Variants in RNF44 observed in about 807,000 individuals in gnomAD.
RNF44 encodes ring finger protein 44.
Under a neutral mutation model 53.6 loss-of-function variants are expected in RNF44, and 25 were observed. That is an observed-to-expected ratio of 0.47 (90% CI 0.34 to 0.65). RNF44 has a LOEUF of 0.65. RNF44 is among the 30% of genes least tolerant of loss of function. RNF44 has a pLI of 0.01. For synonymous variants in RNF44, 282 were observed against 252.2 expected, an observed-to-expected ratio of 1.12 and a Z score of -1.12; for missense variants, 581 against 595.5, an observed-to-expected ratio of 0.98 and a Z score of 0.25.
rs1013780115 is a variant in RNF44 at position 176,537,072 on chromosome 5, C to T, written c.-177G>A. On this transcript the variant is annotated 5_prime_UTR_variant, in exon 1 of 11. Transcript: ENST00000274811. ...TCCCGCCCTGCGGAACAATGTGCTC[C>T]CCTCCCCACCCCCGGGTCCGGGGGC... 14 of 152,110 alleles carry T rather than the reference C, an allele frequency of 9.2e-5. No homozygotes were observed. The highest frequency in any genetic ancestry group is 2.6e-4 in the Admixed American group (4 of 15,286). 9.4% of individuals were successfully genotyped at this position (152,110 alleles called of 1,614,324 possible).
chr5:176,538,707 G>A (rs1194126676), upstream of RNF44, among the ~76,000 whole-genome samples: 1 of 151,824 alleles, frequency 6.6e-6, no homozygotes, highest in Non-Finnish European at 1.5e-5. Context: ...GCAGGGGGAT[G>A]GGGGGCTCAT....
Position 176,531,053 on chromosome 5 carries a change from G to T in RNF44, c.466-32C>A. Reference sequence around the variant, plus strand: ...AGAGAGGGGGCAGGGGGCTGAGAACGTTCTCCTGGGCTCTGGGCCAGGTCT... The same window carrying T: ...AGAGAGGGGGCAGGGGGCTGAGAACTTTCTCCTGGGCTCTGGGCCAGGTCT... On this transcript the variant is annotated intron_variant, in intron 4 of 10. Transcript: ENST00000274811. This position sits in a 1 kb window ranked among gnomAD's most constrained non-coding sequence, Gnocchi z 4.2. 7.0e-7 allele frequency: 1 copy of T among 1,423,944 alleles called. No individual in the cohort carries two copies. The highest frequency in any genetic ancestry group is 9.2e-7 in the Non-Finnish European group (1 of 1,087,772). 88.2% of individuals were successfully genotyped at this position (1,423,944 alleles called of 1,614,324 possible). A position where few individuals can be genotyped will look rare whatever the true frequency, so the allele number is the denominator to read the frequency against.
At chr5:176,539,165 C>T (rs957858252), upstream of RNF44, among the ~76,000 whole-genome samples, 2 of 152,118 alleles carry the variant, frequency 1.3e-5, no homozygotes, top group Non-Finnish European at 2.9e-5. Flanking sequence ...GGAACTGAGC[C>T]GGCTGTCGGC....
upstream of RNF44, among the ~76,000 whole-genome samples, chr5:176,539,963 C>T (rs570783496): frequency 6.6e-6 from 1 of 152,294 alleles, no homozygotes; most frequent in African/African-American, 2.4e-5. Flanking sequence ...CTGGGATGCC[C>T]TCTCTTTTCC....
intron 1 of RNF44, among the ~76,000 whole-genome samples, chr5:176,536,680 A>G (rs2113198655): frequency 6.6e-6 from 1 of 150,934 alleles, no homozygotes. Context: ...ACAACAAAGG[A>G]AGTGGCGGCC....
chr5:176,536,890 A>C (rs903174286), intron 1 of RNF44, 50 bp downstream of exon 1: 3 of 150,374 alleles, frequency 2.0e-5, no homozygotes, highest in Non-Finnish European at 3.0e-5. Context: ...GGGGAACAGA[A>C]GGTCCATGGG....
rs1756557634 is a variant in RNF44 at position 176,530,569 on chromosome 5, G to GCCCAGCGGGTCTGCCTCCCA, written c.801+12_801+13insTGGGAGGCAGACCCGCTGGG. Reference sequence around the variant, plus strand: ...TGCCCTGGAGCCCAGGTGGGGGTCGGGGTGGCACTCACCACACCAAAGGAC... The same window carrying GCCCAGCGGGTCTGCCTCCCA: ...TGCCCTGGAGCCCAGGTGGGGGTCGGCCCAGCGGGTCTGCCTCCCAGGTGGCACTCACCACACCAAAGGAC... On this transcript the variant is annotated intron_variant, in intron 6 of 10. Transcript: ENST00000274811. The GCCCAGCGGGTCTGCCTCCCA allele has an allele frequency of 2.1e-6, 3 of 1,432,746 alleles. No individual in the cohort carries two copies. The African/African-American group carries it at 4.5e-5, about 22-fold the overall frequency. The allele number at this position is 1,432,746 out of a possible 1,614,324, so 88.8% of individuals were successfully genotyped here.
At chr5:176,539,698 A>C (rs1477258614), upstream of RNF44, among the ~76,000 whole-genome samples, 2 of 152,016 alleles carry the variant, frequency 1.3e-5, no homozygotes, top group East Asian at 1.9e-4. Flanking sequence ...AAAAAAAAAA[A>C]AACCCTCCCC....
Position 176,530,909 on chromosome 5 carries a change from T to TGGGGGGTGGGGGGGGGGGGG in RNF44, c.577_578insCCCCCCCCCCCCCACCCCCC (p.Gln193ProfsTer87). On this transcript the variant is annotated frameshift_variant, in exon 5 of 11. Coordinates refer to ENST00000274811, the MANE Select transcript of RNF44 (RefSeq NM_014901.5). LOFTEE classifies it high-confidence loss of function. ...CCCCAGGGGCGCCATGTGGGTGGGC[T>TGGGGGGTGGGGGGGGGGGGG]GGGGGGGTGGGGCCGGTGGTGGGGG... is the stretch of plus-strand genomic sequence containing the variant. The TGGGGGGTGGGGGGGGGGGGG allele has an allele frequency of 2.9e-5, 3 of 104,568 alleles. No individual in the cohort carries two copies. Among genetic ancestry groups the TGGGGGGTGGGGGGGGGGGGG allele is most frequent in the East Asian group, 1.5e-4 (1 of 6,598 alleles). The allele number at this position is 104,568 out of a possible 1,614,324, so 6.5% of individuals were successfully genotyped here.
Position 176,531,590 on chromosome 5 carries a change from G to C in RNF44, c.338C>G (p.Thr113Arg), listed in dbSNP as rs1419457345. The C allele has an allele frequency of 7.4e-6, 12 of 1,613,482 alleles. No individual in the cohort carries two copies. The highest frequency in any genetic ancestry group is 1.6e-4 in the Middle Eastern group (1 of 6,080). ...CAAGGGGAAGCCTTGGGTCGTCACTGTGGTGACCGTGTAGGACAGAGGGAC... is the reference window on the plus strand; with the variant it reads ...CAAGGGGAAGCCTTGGGTCGTCACTCTGGTGACCGTGTAGGACAGAGGGAC... ...GPVPLSYTVT[T>R]VTTQGFPLPT... The change falls in exon 4 of 11, where the codon ACA (threonine) becomes AGA (arginine). Residue 113 changes from threonine (T) to arginine (R), a missense_variant. By Grantham distance (71) the Thr-to-Arg change is moderately conservative. Around this residue, in one of 3 missense-constraint regions of RNF44, gnomAD observed 387 missense variants for 366.0 expected, o/e 1.06. Coordinates refer to ENST00000274811, the MANE Select transcript of RNF44 (RefSeq NM_014901.5). The surrounding 1 kb of genome is among the most constrained non-coding windows in gnomAD (Gnocchi z 4.2).
Position 176,531,513 on chromosome 5 carries a change from A to G in RNF44, c.415T>C (p.Ser139Pro), listed in dbSNP as rs1196640977. The G allele has an allele frequency of 1.2e-6, 2 of 1,602,714 alleles. No homozygotes were observed. ...TAATGCTGCCCACTGAACATCACGG[A>G]GCATGCTGGGAGCTGCTGGGCACTG... ...GCSAQQLPAC[S>P]VMFSGQHYPL... The change falls in exon 4 of 11, where the codon TCC (serine) becomes CCC (proline). Residue 139 changes from serine to proline, a missense_variant. Ser to Pro is a moderately conservative substitution (Grantham distance 74, BLOSUM62 -1). Transcript: ENST00000274811. The surrounding 1 kb of genome is among the most constrained non-coding windows in gnomAD (Gnocchi z 4.2).
upstream of RNF44, among the ~76,000 whole-genome samples, chr5:176,541,884 AG>A (rs757660165): frequency 7.5e-4 from 114 of 152,304 alleles, no homozygotes; most frequent in Non-Finnish European, 1.2e-3. Context: ...GAGCCAGCTC[AG>A]GGTTCACACC....
At position 176,526,717 on chromosome 5, in the gene RNF44, A is replaced by G. The variant is rs1245417807; in HGVS notation, c.*2311T>C. 1 of 152,518 alleles carries G rather than the reference A, an allele frequency of 6.6e-6. No individual in the cohort carries two copies. The highest frequency in any genetic ancestry group is 1.5e-5 in the Non-Finnish European group (1 of 68,028). 9.4% of individuals were successfully genotyped at this position (152,518 alleles called of 1,614,324 possible). A position where few individuals can be genotyped will look rare whatever the true frequency, so the allele number is the denominator to read the frequency against. ...AAAGGCAGCGTGGGCGGTCGTTGGT[A>G]TACATCATACATTTATTAGTGAATA... On this transcript the variant is annotated 3_prime_UTR_variant, in exon 11 of 11. Coordinates refer to ENST00000274811, the MANE Select transcript of RNF44 (RefSeq NM_014901.5).
At chr5:176,541,813 G>A (rs1415151112), upstream of RNF44, among the ~76,000 whole-genome samples, 1 of 152,180 alleles carries the variant, frequency 6.6e-6, no homozygotes, top group Non-Finnish European at 1.5e-5. Flanking sequence ...CACCTTCCCA[G>A]GATGGAGCTG....
chr5:176,528,776 G>C lies in RNF44; in HGVS notation c.*252C>G. On this transcript the variant is annotated 3_prime_UTR_variant, in exon 11 of 11. Coordinates refer to ENST00000274811, the MANE Select transcript of RNF44 (RefSeq NM_014901.5). The stretch of plus-strand genomic sequence containing the variant: ...CTGAGGGTGCACAGGAGGGAGACCC[G>C]ATCAGGGACACTCAGGCAGCTCCGT... 3 of 573,672 alleles carry C rather than the reference G, an allele frequency of 5.2e-6. No homozygotes were observed. Among genetic ancestry groups the C allele is most frequent in the South Asian group, 4.2e-5 (2 of 47,156 alleles). 35.5% of individuals were successfully genotyped at this position (573,672 alleles called of 1,614,324 possible). A position where few individuals can be genotyped will look rare whatever the true frequency, so the allele number is the denominator to read the frequency against.
In RNF44 at chr5:176,532,484, G is replaced by C; in HGVS notation, c.-12C>G. 2 of 1,564,294 alleles carry C rather than the reference G, an allele frequency of 1.3e-6. No homozygotes were observed. Among genetic ancestry groups the C allele is most frequent in the Non-Finnish European group, 1.7e-6 (2 of 1,159,520 alleles). The stretch of plus-strand genomic sequence containing the variant: ...GCCCATGGTCGCATCGGGGGGGCAG[G>C]GGGGTGGAGGGGCTGGGCCGGGACT... On this transcript the variant is annotated 5_prime_UTR_variant, in exon 2 of 11. Transcript: ENST00000274811.
Position 176,531,405 on chromosome 5 carries a change from G to A in RNF44, c.465+58C>T, listed in dbSNP as rs1473729350. On this transcript the variant is annotated intron_variant, in intron 4 of 10. Transcript: ENST00000274811. This position sits in a 1 kb window ranked among gnomAD's most constrained non-coding sequence, Gnocchi z 4.2. ...AGGGCTGCCCTGGGCCCGCTGAGCC[G>A]CTGGCCTGTGCCTGGGGCTTGCAGC... is the stretch of plus-strand genomic sequence containing the variant. 4.0e-6 allele frequency: 6 copies of A among 1,499,728 alleles called. No individual in the cohort carries two copies. The highest frequency in any genetic ancestry group is 2.8e-5 in the African/African-American group (2 of 72,374). 92.9% of individuals were successfully genotyped at this position (1,499,728 alleles called of 1,614,324 possible). A position where few individuals can be genotyped will look rare whatever the true frequency, so the allele number is the denominator to read the frequency against.
chr5:176,528,846 T>C lies in RNF44; in HGVS notation c.*182A>G, dbSNP rs1756283816. 3 of 626,360 alleles carry C rather than the reference T, an allele frequency of 4.8e-6. No individual in the cohort carries two copies. The highest frequency in any genetic ancestry group is 2.8e-5 in the East Asian group (1 of 36,024). 38.8% of individuals were successfully genotyped at this position (626,360 alleles called of 1,614,324 possible). On this transcript the variant is annotated 3_prime_UTR_variant, in exon 11 of 11. Coordinates refer to ENST00000274811, the MANE Select transcript of RNF44 (RefSeq NM_014901.5). ...AGACTAGGGAGGGAGTCTTTGGAGC[T>C]TGGCAAATGCAGGGGCTTATTGCAG...
In RNF44 at chr5:176,529,760, C is replaced by T. The variant is rs114764573; in HGVS notation, c.985G>A (p.Val329Met). ...MGPTISLDLD[V>M]DDVEMENYEA... ...TAGTTCTCCATCTCCACATCATCCA[C>T]GTCCAGGTCCAGGCTGATGGTGGGC... Residue 329 changes from valine to methionine, a missense_variant, in exon 8 of 11, where the codon GTG becomes ATG. Coordinates refer to ENST00000274811, the MANE Select transcript of RNF44 (RefSeq NM_014901.5). 805 of 1,612,322 alleles carry T rather than the reference C, an allele frequency of 5.0e-4. 3 individuals are homozygous for T. The highest frequency in any genetic ancestry group is 1.9e-3 in the South Asian group (176 of 90,754).
Sources: allele counts gnomAD v4.1 joint callset (sites outside exome capture counted in the v4.1 genomes callset), GRCh38; gene constraint gnomAD v4.1.1; regional missense constraint gnomAD v4.1.1; non-coding constraint Gnocchi (gnomAD v3.1); transcripts MANE v1.5; gene names NCBI Gene and HGNC (gene_info 2026-07-23, HGNC 2026-07-21).